Variants in MAPK11 observed in about 807,000 individuals in gnomAD.
The protein encoded by MAPK11 is mitogen-activated protein kinase 11.
A neutral mutation model predicts 52.2 loss-of-function variants in MAPK11; 44 were observed. That is an observed-to-expected ratio of 0.84 (90% CI 0.66 to 1.08). MAPK11 has a LOEUF of 1.08. MAPK11 is among the 50% of genes least tolerant of loss of function. MAPK11 has a pLI of 0.00. For synonymous variants in MAPK11, 233 were observed against 206.3 expected (o/e 1.13, Z -1.11); for missense variants, 436 against 494.7 (o/e 0.88, Z 1.13).
intron 1 of MAPK11, among the ~76,000 whole-genome samples, chr22:50,268,765 G>A (rs2065285980): frequency 6.6e-6 from 1 of 152,324 alleles, no homozygotes; most frequent in South Asian, 2.1e-4. Context: ...AGAGCAAGTG[G>A]AGGCTGAGGC....
chr22:50,266,460 G>T (rs36014260), intron 8 of MAPK11, 80 bp downstream of exon 8: 3 of 1,425,518 alleles, frequency 2.1e-6, no homozygotes, highest in Non-Finnish European at 2.9e-6. Flanking sequence ...GGCAAGACCC[G>T]CCAGAAGGGG....
At chr22:50,265,882 C>G (rs1178726271) in intron 9 of MAPK11, among the ~76,000 whole-genome samples, 3 of 143,814 alleles carry the variant, frequency 2.1e-5, no homozygotes, top group Non-Finnish European at 4.4e-5. Context: ...TCCCTCCACC[C>G]AGCCCACCCC....
At position 50,265,342 on chromosome 22, in the gene MAPK11, G is replaced by A. The variant is rs1193578749; in HGVS notation, c.994C>T (p.Arg332Cys). 5.0e-6 allele frequency: 8 copies of A among 1,613,082 alleles called. No individual in the cohort carries two copies. The highest frequency in any genetic ancestry group is 6.8e-6 in the Non-Finnish European group (8 of 1,179,984). The change falls in exon 11 of 12, where the codon CGC (arginine) becomes TGC (cysteine). Residue 332 changes from arginine (R) to cysteine (C), a missense_variant. Physicochemically the swap from Arg to Cys is radical, Grantham distance 180. Coordinates refer to ENST00000330651, the MANE Select transcript of MAPK11 (RefSeq NM_002751.7). Reference protein sequence around the residue: ...PYDESVEAKERTLEEWKELTY... With the variant: ...PYDESVEAKECTLEEWKELTY... ...TCACCCTTCCACTCCTCCAGCGTGCGCTCCTTGGCCTCAACGCTCTCATCA... is the reference window on the plus strand; with the variant it reads ...TCACCCTTCCACTCCTCCAGCGTGCACTCCTTGGCCTCAACGCTCTCATCA...
In MAPK11 at chr22:50,264,896, G is replaced by C; in HGVS notation, c.*52C>G. The C allele has an allele frequency of 6.9e-7, 1 of 1,446,178 alleles. No individual in the cohort carries two copies. 89.6% of individuals were successfully genotyped at this position (1,446,178 alleles called of 1,614,324 possible). On this transcript the variant is annotated 3_prime_UTR_variant, in exon 12 of 12. Coordinates refer to ENST00000330651, the MANE Select transcript of MAPK11 (RefSeq NM_002751.7). ...CGAGGAAACCAGGCCAGCTGTGGAA[G>C]GGTGCAGGCCCAAGCCCCTCCACAG... is the stretch of plus-strand genomic sequence containing the variant.
chr22:50,270,032 T>A lies in MAPK11; in HGVS notation c.116+145A>T. 1.8e-5 allele frequency: 3 copies of A among 169,168 alleles called. No individual in the cohort carries two copies. The highest frequency in any genetic ancestry group is 1.5e-4 in the East Asian group (1 of 6,630). 10.5% of individuals were successfully genotyped at this position (169,168 alleles called of 1,614,324 possible). ...TTACGCCGCCACCCCCGCCCCCCCA[T>A]TCATTCCTCAGATCCGCTTGGCGCC... On this transcript the variant is annotated intron_variant, in intron 1 of 11. Transcript: ENST00000330651. The surrounding 1 kb of genome is among the most constrained non-coding windows in gnomAD (Gnocchi z 6.3).
rs373800984 is a variant in MAPK11 at position 50,267,302 on chromosome 22, T to A, written c.418-16A>T. The A allele has an allele frequency of 5.8e-5, 93 of 1,597,096 alleles. No homozygotes were observed. The African/African-American group carries it at 1.1e-3, about 19-fold the overall frequency. On this transcript the variant is annotated splice_polypyrimidine_tract_variant and intron_variant, in intron 4 of 11. Coordinates refer to ENST00000330651, the MANE Select transcript of MAPK11 (RefSeq NM_002751.7). ...AGTGGATGTACTGCGGGAGGGGGAT[T>A]GTGGTGAGCGCCGGGCCCGGCCCGC... is the stretch of plus-strand genomic sequence containing the variant.
chr22:50,267,979 G>T, intron 1 of MAPK11, 30 bp from the exon 2 acceptor site: 1 of 1,520,518 alleles, frequency 6.6e-7, no homozygotes. Flanking sequence ...GGCGGCGCCG[G>T]GAGGGGTCCG....
At position 50,264,865 on chromosome 22, in the gene MAPK11, G is replaced by T; in HGVS notation, c.*83C>A. 3 of 1,079,628 alleles carry T rather than the reference G, an allele frequency of 2.8e-6. No homozygotes were observed. Among genetic ancestry groups the T allele is most frequent in the African/African-American group, 1.6e-5 (1 of 63,898 alleles). The allele number at this position is 1,079,628 out of a possible 1,614,324, so 66.9% of individuals were successfully genotyped here. ...CTGTGACCATAGGAGTGTGGGAGGT[G>T]CCTCTCGAGGAAACCAGGCCAGCTG... On this transcript the variant is annotated 3_prime_UTR_variant, in exon 12 of 12. Coordinates refer to ENST00000330651, the MANE Select transcript of MAPK11 (RefSeq NM_002751.7).
chr22:50,267,132 G>A lies in MAPK11; in HGVS notation c.490C>T (p.Leu164Phe), dbSNP rs778181955. Reference sequence around the variant, plus strand: ...CCCCTGCCCACGGGCCTCACCCTGAGCTCACAGTCCTCGTTCACAGCCACG... The same window carrying A: ...CCCCTGCCCACGGGCCTCACCCTGAACTCACAGTCCTCGTTCACAGCCACG... ...SNVAVNEDCELRILDFGLARQ... is the reference protein window; with the variant it reads ...SNVAVNEDCEFRILDFGLARQ... Residue 164 changes from leucine to phenylalanine, a missense_variant, in exon 6 of 12, where the codon CTC (leucine) becomes TTC (phenylalanine). Transcript: ENST00000330651. 2 of 1,611,870 alleles carry A rather than the reference G, an allele frequency of 1.2e-6. No homozygotes were observed. The highest frequency in any genetic ancestry group is 1.1e-5 in the South Asian group (1 of 90,998).
chr22:50,265,515 G>A (rs2065255305), intron 10 of MAPK11, 21 bp from the exon 11 acceptor site: 2 of 1,612,886 alleles, frequency 1.2e-6, no homozygotes, highest in African/African-American at 1.3e-5. Flanking sequence ...GCCAGTGGTG[G>A]GGAGGGGGGT....
At chr22:50,269,730 G>A (rs1034250687) in intron 1 of MAPK11, among the ~76,000 whole-genome samples, 23 of 152,204 alleles carry the variant, frequency 1.5e-4, no homozygotes, top group African/African-American at 4.8e-4. Flanking sequence ...TCCGGGAGCG[G>A]GGCTTCCCTT....
At chr22:50,267,717 C>A (rs1364450318) in intron 2 of MAPK11, 90 bp from the exon 3 acceptor site, 1 of 1,437,016 alleles carries the variant, frequency 7.0e-7, no homozygotes, top group Non-Finnish European at 9.1e-7. Context: ...CAGGCCGCGC[C>A]CCCTGTGTCC....
Position 50,270,281 on chromosome 22 carries a change from A to T in MAPK11, c.12T>A (p.Pro4=). Residue 4 remains proline, a synonymous_variant, in exon 1 of 12, where the codon CCT becomes CCA. Transcript: ENST00000330651. The surrounding 1 kb of genome is among the most constrained non-coding windows in gnomAD (Gnocchi z 6.3). ...GCTCCTGCCGGTAGAAGCCGGCGCG[A>T]GGGCCCGACATGTCCGGAGCAGCCG... is the stretch of plus-strand genomic sequence containing the variant. MSG[P]RAGFYRQELN... 7.1e-7 allele frequency: 1 copy of T among 1,399,420 alleles called. No homozygotes were observed. Among genetic ancestry groups the T allele is most frequent in the Non-Finnish European group, 9.3e-7 (1 of 1,073,382 alleles). 86.7% of individuals were successfully genotyped at this position (1,399,420 alleles called of 1,614,324 possible).
In MAPK11 at chr22:50,270,205, C is replaced by A; in HGVS notation, c.88G>T (p.Val30Leu). The A allele has an allele frequency of 1.3e-6, 2 of 1,497,638 alleles. No homozygotes were observed. The highest frequency in any genetic ancestry group is 2.3e-5 in the Admixed American group (1 of 43,570). The allele number at this position is 1,497,638 out of a possible 1,614,324, so 92.8% of individuals were successfully genotyped here. A position where few individuals can be genotyped will look rare whatever the true frequency, so the allele number is the denominator to read the frequency against. ...ACGGAGCCGTAGGCGCCGGAGCCCA[C>A]CGGGCGCAGCCCCTGCAGCCGCTGC... is the stretch of plus-strand genomic sequence containing the variant. ...VPQRLQGLRP[V>L]GSGAYGSVCS... is the part of the protein sequence containing the mutation. The change falls in exon 1 of 12, where the codon GTG becomes TTG. Residue 30 changes from valine to leucine, a missense_variant. By Grantham distance (32) the Val-to-Leu change is conservative. Coordinates refer to ENST00000330651, the MANE Select transcript of MAPK11 (RefSeq NM_002751.7). The surrounding 1 kb of genome is among the most constrained non-coding windows in gnomAD (Gnocchi z 6.3).
intron 1 of MAPK11, 145 bp from the exon 2 acceptor site, chr22:50,268,094 G>GCC (rs1227962574): frequency 9.8e-7 from 1 of 1,018,848 alleles, no homozygotes; most frequent in African/African-American, 1.7e-5. Flanking sequence ...CCCCAGCTCG[G>GCC]CCTCCCACCC....
At position 50,267,290 on chromosome 22, in the gene MAPK11, C is replaced by T. The variant is rs773002434; in HGVS notation, c.418-4G>A. 4.4e-6 allele frequency: 7 copies of T among 1,600,454 alleles called. No homozygotes were observed. In the Admixed American group the frequency reaches 6.9e-5, roughly 16 times the overall value. ...TGATCCCGGCCGAGTGGATGTACTG[C>T]GGGAGGGGGATTGTGGTGAGCGCCG... On this transcript the variant is annotated splice_region_variant and splice_polypyrimidine_tract_variant and intron_variant, in intron 4 of 11. Coordinates refer to ENST00000330651, the MANE Select transcript of MAPK11 (RefSeq NM_002751.7).
chr22:50,264,560 C>T lies in MAPK11; in HGVS notation c.*388G>A, dbSNP rs533731672. On this transcript the variant is annotated 3_prime_UTR_variant, in exon 12 of 12. Transcript: ENST00000330651. The stretch of plus-strand genomic sequence containing the variant: ...GGGGTCCCGGCCCCAGCGCGTCCTC[C>T]AGAAAGCCCTGGGACAGAAGAGAGC... 1 of 172,018 alleles carries T rather than the reference C, an allele frequency of 5.8e-6. No individual in the cohort carries two copies. Among genetic ancestry groups the T allele is most frequent in the African/African-American group, 2.4e-5 (1 of 42,140 alleles). 10.7% of individuals were successfully genotyped at this position (172,018 alleles called of 1,614,324 possible).
rs34349740 is a variant in MAPK11, at chr22:50,264,776, CAT to C, written c.*170_*171del. 2.9e-3 allele frequency: 1,695 copies of C among 587,764 alleles called. 41 individuals carry two copies. In the East Asian group the frequency reaches 0.035, roughly 12 times the overall value. 36.4% of individuals were successfully genotyped at this position (587,764 alleles called of 1,614,324 possible). On this transcript the variant is annotated 3_prime_UTR_variant, in exon 12 of 12. Transcript: ENST00000330651. The stretch of plus-strand genomic sequence containing the variant: ...TACACATGGCAAGCACATGTACACA[CAT>C]GTTTGTGCATGCATACATGCGTGTA...
At chr22:50,269,269 G>A (rs1407608570) in intron 1 of MAPK11, among the ~76,000 whole-genome samples, 1 of 152,122 alleles carries the variant, frequency 6.6e-6, no homozygotes, top group African/African-American at 2.4e-5. Flanking sequence ...AAGACAGCCT[G>A]CCCTGGGACC....
Sources: allele counts gnomAD v4.1 joint callset (sites outside exome capture counted in the v4.1 genomes callset), GRCh38; gene constraint gnomAD v4.1.1; non-coding constraint Gnocchi (gnomAD v3.1); transcripts MANE v1.5; gene names NCBI Gene and HGNC (gene_info 2026-07-23, HGNC 2026-07-21).